Variants in RBBP8 observed in about 807,000 individuals in gnomAD.
RBBP8 encodes DNA endonuclease RBBP8.
Under a neutral mutation model 108.3 loss-of-function variants are expected in RBBP8, and 88 were observed. That is an observed-to-expected ratio of 0.81 (90% CI 0.68 to 0.97). The LOEUF is 0.97. Among genes scored for constraint, RBBP8 ranks in the 50% least tolerant of loss-of-function variants. The probability of loss-of-function intolerance (pLI) is 0.00; values close to 1 mark genes in which losing one functional copy is unlikely to be tolerated. For synonymous variants in RBBP8, 332 were observed against 348.2 expected, an observed-to-expected ratio of 0.95 and a Z score of 0.52; for missense variants, 1,023 against 1,049.0, an observed-to-expected ratio of 0.98 and a Z score of 0.34.
chr18:22,946,121 G>A (rs141076501), intron 2 of RBBP8, among the ~76,000 whole-genome samples: 128 of 152,304 alleles, frequency 8.4e-4, no homozygotes, highest in African/African-American at 2.9e-3. Context: ...CACCATTGCT[G>A]TTAGCAAATA....
intron 4 of RBBP8, among the ~76,000 whole-genome samples, chr18:22,954,876 A>G (rs565656690): frequency 6.6e-6 from 1 of 152,182 alleles, no homozygotes; most frequent in East Asian, 1.9e-4. Flanking sequence ...ATCTCGTTAG[A>G]ACTCACTATC....
intron 16 of RBBP8, 101 bp from the exon 17 acceptor site, chr18:23,016,727 A>G: frequency 1.1e-6 from 1 of 915,534 alleles, no homozygotes; most frequent in Non-Finnish European, 1.8e-6. Flanking sequence ...TATTTTTCTA[A>G]CATACTGAAT....
At chr18:22,972,228 G>C (rs546791122) in intron 5 of RBBP8, among the ~76,000 whole-genome samples, 1 of 150,404 alleles carries the variant, frequency 6.6e-6, no homozygotes, top group African/African-American at 2.4e-5. Context: ...ATGGTGGCAG[G>C]CATCTGTAAT....
At chr18:22,967,764 A>G (rs923721630) in intron 4 of RBBP8, among the ~76,000 whole-genome samples, 14 of 149,706 alleles carry the variant, frequency 9.4e-5, no homozygotes, top group African/African-American at 2.5e-4. Context: ...CTCCTGCCTC[A>G]GCCTCCCGAG....
At chr18:22,931,808 C>G (rs1206972267), upstream of RBBP8, among the ~76,000 whole-genome samples, 2 of 152,104 alleles carry the variant, frequency 1.3e-5, no homozygotes, top group East Asian at 3.9e-4. Context: ...CCTGTAACTT[C>G]ATTAGATCAT....
At chr18:22,996,991 C>A (rs1320522714) in intron 13 of RBBP8, among the ~76,000 whole-genome samples, 1 of 152,146 alleles carries the variant, frequency 6.6e-6, no homozygotes, top group Admixed American at 6.5e-5. Context: ...CAGAGCAAGA[C>A]CCTGTCTCAT....
At chr18:22,916,186 C>G (rs1823353110) in intron 2 of RBBP8, among the ~76,000 whole-genome samples, 1 of 152,000 alleles carries the variant, frequency 6.6e-6, no homozygotes, top group Non-Finnish European at 1.5e-5. Flanking sequence ...GGATGCATTT[C>G]TTTTTATTCC....
At chr18:23,016,714 C>G in intron 16 of RBBP8, 114 bp from the exon 17 acceptor site, 1 of 810,574 alleles carries the variant, frequency 1.2e-6, no homozygotes, top group East Asian at 2.6e-5. Flanking sequence ...TTTGACGAAG[C>G]AATATTTTTC....
In RBBP8 at chr18:22,963,862, T is replaced by G. The variant is rs184956032; in HGVS notation, c.249-4944T>G. ...CATTCTTGTTTCACTTTATTTCGAT[T>G]AGTCCCTCTCACTACCATTTTGAGA... On this transcript the variant is annotated intron_variant, in intron 4 of 18. Coordinates refer to ENST00000327155, the MANE Select transcript of RBBP8 (RefSeq NM_002894.3). Among the ~76,000 whole-genome samples, 336 of 152,278 alleles carry G rather than the reference T, an allele frequency of 2.2e-3. 1 individual carries two copies. The highest frequency in any genetic ancestry group is 0.018 in the Admixed American group (282 of 15,290).
At chr18:22,941,787 A>G (rs780409282) in intron 2 of RBBP8, among the ~76,000 whole-genome samples, 53 of 152,080 alleles carry the variant, frequency 3.5e-4, no homozygotes, top group Non-Finnish European at 6.3e-4. Context: ...TGTATATGAT[A>G]AGGTCCATGT....
Position 23,026,176 on chromosome 18 carries a change from G to T in RBBP8, c.2630G>T (p.Arg877Leu), listed in dbSNP as rs201195506. ...AAGGAAGATCTTGATCCTTGTCCTC[G>T]TCCAAAAAGACGTCAGCCTTACAAC... ...YIKEDLDPCP[R>L]PKRRQPYNAI... is the part of the protein sequence containing the mutation. The change falls in exon 19 of 19, where the codon CGT becomes CTT. Residue 877 changes from arginine (R) to leucine (L), a missense_variant. By Grantham distance (102) the Arg-to-Leu change is moderately radical. Transcript: ENST00000327155. 2.5e-6 allele frequency: 4 copies of T among 1,613,626 alleles called. No individual in the cohort carries two copies. In the East Asian group the frequency reaches 6.7e-5, roughly 27 times the overall value.
intron 5 of RBBP8, among the ~76,000 whole-genome samples, chr18:22,969,440 CTATT>C (rs1489928896): frequency 6.6e-6 from 1 of 152,048 alleles, no homozygotes; most frequent in Non-Finnish European, 1.5e-5. Context: ...TCTCTTATAA[CTATT>C]TATTTCTTTT....
At chr18:23,022,355 C>T in intron 18 of RBBP8, 85 bp downstream of exon 18, 3 of 1,329,504 alleles carry the variant, frequency 2.3e-6, no homozygotes, top group Non-Finnish European at 3.1e-6. Flanking sequence ...AATCCCAACA[C>T]TTTGAGAGGC....
At chr18:22,967,152 G>A (rs550149454) in intron 4 of RBBP8, among the ~76,000 whole-genome samples, 1 of 152,138 alleles carries the variant, frequency 6.6e-6, no homozygotes, top group Admixed American at 6.5e-5. Context: ...GGATCACGAG[G>A]TTGGGAGATC....
chr18:22,922,220 A>G (rs573862235), intron 3 of RBBP8, among the ~76,000 whole-genome samples: 2 of 152,286 alleles, frequency 1.3e-5, no homozygotes, highest in African/African-American at 4.8e-5. Context: ...AGCGAAGGAG[A>G]AATAGGTGCA....
At chr18:22,997,917 CA>C (rs2144729127) in intron 14 of RBBP8, among the ~76,000 whole-genome samples, 183 bp downstream of exon 14, 1 of 152,240 alleles carries the variant, frequency 6.6e-6, no homozygotes, top group African/African-American at 2.4e-5. Flanking sequence ...AGTCTTTAAC[CA>C]AACTAATTTC....
chr18:23,000,092 A>T (rs1279514893), intron 14 of RBBP8, among the ~76,000 whole-genome samples: 1 of 152,258 alleles, frequency 6.6e-6, no homozygotes, highest in Non-Finnish European at 1.5e-5. Flanking sequence ...TACTTACCTT[A>T]TGGAACGTAC....
chr18:22,942,212 G>A (rs1819549802), intron 2 of RBBP8, among the ~76,000 whole-genome samples: 1 of 152,054 alleles, frequency 6.6e-6, no homozygotes, highest in African/African-American at 2.4e-5. Context: ...CTTCATGTCA[G>A]TAAAAAATAA....
intron 14 of RBBP8, among the ~76,000 whole-genome samples, chr18:22,999,866 A>G (rs1467286422): frequency 6.6e-6 from 1 of 152,216 alleles, no homozygotes; most frequent in Admixed American, 6.5e-5. Flanking sequence ...TCAAACAAAA[A>G]TAAATCATCA....
Sources: allele counts gnomAD v4.1 joint callset (sites outside exome capture counted in the v4.1 genomes callset), GRCh38; gene constraint gnomAD v4.1.1; transcripts MANE v1.5; gene names NCBI Gene and HGNC (gene_info 2026-07-23, HGNC 2026-07-21).